The following TAX1BP1 variants were observed in gnomAD, a reference collection of about 807,000 sequenced individuals.
The protein encoded by TAX1BP1 is tax1-binding protein 1.
TAX1BP1 carries 62 observed loss-of-function variants against 97.7 expected under a neutral mutation model. The observed-to-expected ratio is 0.63, with a 90% confidence interval of 0.52 to 0.78. The LOEUF is 0.78. Ranked by LOEUF, TAX1BP1 falls within the 30% of genes least tolerant of loss-of-function variation. TAX1BP1 has a pLI of 0.00. For synonymous variants in TAX1BP1, 340 were observed against 304.2 expected, an observed-to-expected ratio of 1.12 and a Z score of -1.23; for missense variants, 867 against 916.1, an observed-to-expected ratio of 0.95 and a Z score of 0.69.
chr7:27,789,598 C>A (rs1339748211), intron 8 of TAX1BP1, among the ~76,000 whole-genome samples: 1 of 151,774 alleles, frequency 6.6e-6, no homozygotes, highest in East Asian at 1.9e-4. Flanking sequence ...TCTCACTGAA[C>A]AAAATAAGTT....
chr7:27,825,687 G>T (rs1791151141), intron 15 of TAX1BP1, among the ~76,000 whole-genome samples: 1 of 151,898 alleles, frequency 6.6e-6, no homozygotes, highest in Admixed American at 6.6e-5. Context: ...AACGAGCAGG[G>T]TTAACATGTC....
intron 5 of TAX1BP1, among the ~76,000 whole-genome samples, chr7:27,784,793 C>T (rs900014913): frequency 1.3e-5 from 2 of 151,750 alleles, no homozygotes; most frequent in Non-Finnish European, 2.9e-5. Flanking sequence ...GAGTTTCAGC[C>T]TGGGTGACAT....
intron 5 of TAX1BP1, among the ~76,000 whole-genome samples, chr7:27,784,862 A>G (rs1200938571): frequency 6.6e-6 from 1 of 152,012 alleles, no homozygotes; most frequent in Non-Finnish European, 1.5e-5. Flanking sequence ...GGGTGCCTGT[A>G]GTCCCAACTA....
Position 27,816,519 on chromosome 7 carries a change from AG to A in TAX1BP1, c.1936+1del. On this transcript the variant is annotated frameshift_variant and splice_region_variant, in exon 14 of 17. Coordinates refer to ENST00000396319, the MANE Select transcript of TAX1BP1 (RefSeq NM_006024.7). LOFTEE classifies it high-confidence loss of function. ...GNPYASQETR[D>X]GADGAFYPDE... ...ATCCTTATGCATCTCAGGAAACAAGAGGTTATTACAGTATTTTTGGTTTGGG... is the reference window on the plus strand; with the variant it reads ...ATCCTTATGCATCTCAGGAAACAAGAGTTATTACAGTATTTTTGGTTTGGG... The A allele has an allele frequency of 1.3e-6, 2 of 1,520,896 alleles. No individual in the cohort carries two copies. The highest frequency in any genetic ancestry group is 1.7e-6 in the Non-Finnish European group (2 of 1,145,260). The allele number at this position is 1,520,896 out of a possible 1,614,324, so 94.2% of individuals were successfully genotyped here.
Position 27,793,095 on chromosome 7 carries a change from A to G in TAX1BP1, c.1293A>G (p.Leu431=), listed in dbSNP as rs780173156. ...AGACTGATACACTGGAACACGAACT[A>G]AGAAGAGAAGTTGAAGATCTGAAAC... is the stretch of plus-strand genomic sequence containing the variant. ...QDKTDTLEHE[L]RREVEDLKLR... Residue 431 remains leucine (L), a synonymous_variant, in exon 10 of 17, where the codon CTA becomes CTG. Transcript: ENST00000396319. 6.2e-7 allele frequency: 1 copy of G among 1,601,326 alleles called. No homozygotes were observed. The highest frequency in any genetic ancestry group is 8.5e-7 in the Non-Finnish European group (1 of 1,177,226).
rs57820315 is a variant in TAX1BP1 at position 27,743,954 on chromosome 7, C to T, written c.-8+3685C>T. The stretch of plus-strand genomic sequence containing the variant: ...CCGAGTAGCTGGGACTACAGGCGCC[C>T]GCCACCGCGCCCGGCTAATTTTTTG... On this transcript the variant is annotated intron_variant, in intron 1 of 16. Coordinates refer to ENST00000396319, the MANE Select transcript of TAX1BP1 (RefSeq NM_006024.7). Among the ~76,000 whole-genome samples the T allele has an allele frequency of 6.2e-4, 7 of 11,222 alleles. 3 individuals carry two copies. Among genetic ancestry groups the T allele is most frequent in the African/African-American group, 1.5e-3 (1 of 674 alleles). The allele number at this position is 11,222 out of a possible 152,430, so 7.4% of individuals were successfully genotyped here. A position where few individuals can be genotyped will look rare whatever the true frequency, so the allele number is the denominator to read the frequency against.
intron 14 of TAX1BP1, 29 bp downstream of exon 14, chr7:27,816,549 A>T (rs1464819445): frequency 1.3e-6 from 2 of 1,503,552 alleles, no homozygotes; most frequent in Admixed American, 5.3e-5. Flanking sequence ...GTTTGGGATT[A>T]GCTGCATCTG....
intron 1 of TAX1BP1, among the ~76,000 whole-genome samples, chr7:27,742,242 C>A (rs1787644471): frequency 6.6e-6 from 1 of 152,148 alleles, no homozygotes; most frequent in Non-Finnish European, 1.5e-5. Context: ...TTTCCCTTCC[C>A]ACGAGGCCAT....
rs372764720 is a variant in TAX1BP1 at position 27,787,410 on chromosome 7, C to T, written c.853-8C>T. 2 of 1,595,310 alleles carry T rather than the reference C, an allele frequency of 1.3e-6. No individual in the cohort carries two copies. Among genetic ancestry groups the T allele is most frequent in the African/African-American group, 2.7e-5 (2 of 73,764 alleles). ...GAATATTCTTGACATTTTCAAACAC[C>T]ATTACAGGTACATTTGAAGAATACA... On this transcript the variant is annotated splice_polypyrimidine_tract_variant and splice_region_variant and intron_variant, in intron 7 of 16. Coordinates refer to ENST00000396319, the MANE Select transcript of TAX1BP1 (RefSeq NM_006024.7).
rs139468658 is a variant in TAX1BP1 at position 27,746,050 on chromosome 7, CAG to C, written c.-7-2466_-7-2465del. Among the ~76,000 whole-genome samples the C allele has an allele frequency of 6.1e-3, 927 of 152,076 alleles. 5 individuals carry two copies. Among genetic ancestry groups the C allele is most frequent in the African/African-American group, 0.018 (742 of 41,528 alleles). ...AAAAAACTGTTATAATTGAGGTTAA[CAG>C]AAGTTGAAACACTTTTGCCTTGTTT... On this transcript the variant is annotated intron_variant, in intron 1 of 16. Coordinates refer to ENST00000396319, the MANE Select transcript of TAX1BP1 (RefSeq NM_006024.7).
Position 27,808,704 on chromosome 7 carries a change from A to G in TAX1BP1, c.1765-7645A>G, listed in dbSNP as rs938834199. Among the ~76,000 whole-genome samples, 5 of 152,308 alleles carry G rather than the reference A, an allele frequency of 3.3e-5. No homozygotes were observed. The South Asian group carries it at 6.2e-4, about 19-fold the overall frequency. On this transcript the variant is annotated intron_variant, in intron 13 of 16. Coordinates refer to ENST00000396319, the MANE Select transcript of TAX1BP1 (RefSeq NM_006024.7). Reference sequence around the variant, plus strand: ...ATTTTGGGTACCGAAGAAAAAAAGTATTTAGGCACCCTGGCAAAGGCAACC... The same window carrying G: ...ATTTTGGGTACCGAAGAAAAAAAGTGTTTAGGCACCCTGGCAAAGGCAACC...
chr7:27,753,909 T>C (rs1347968507), intron 2 of TAX1BP1, among the ~76,000 whole-genome samples: 2 of 152,220 alleles, frequency 1.3e-5, no homozygotes, highest in Admixed American at 6.5e-5. Context: ...ATGACTACTG[T>C]AGTAATGTTA....
At chr7:27,814,792 G>A (rs1790701943) in intron 13 of TAX1BP1, among the ~76,000 whole-genome samples, 1 of 151,818 alleles carries the variant, frequency 6.6e-6, no homozygotes, top group Admixed American at 6.6e-5. Flanking sequence ...CTGGAGTGCA[G>A]TGGCGCGATC....
intron 14 of TAX1BP1, 145 bp from the exon 15 acceptor site, chr7:27,816,745 A>T (rs2128325029): frequency 9.0e-7 from 1 of 1,113,850 alleles, no homozygotes; most frequent in East Asian, 2.6e-5. Flanking sequence ...TTCACAATTT[A>T]AAAAATCACC....
At chr7:27,741,093 CACA>C (rs553019403) in intron 1 of TAX1BP1, among the ~76,000 whole-genome samples, 1 of 152,232 alleles carries the variant, frequency 6.6e-6, no homozygotes, top group Non-Finnish European at 1.5e-5. Flanking sequence ...TTTAGACATA[CACA>C]GTGTTAGATT....
intron 7 of TAX1BP1, among the ~76,000 whole-genome samples, chr7:27,785,869 A>G (rs750620662): frequency 3.3e-5 from 5 of 152,212 alleles, no homozygotes; most frequent in Non-Finnish European, 5.9e-5. Flanking sequence ...GTTAGTTTTC[A>G]GGGAATTAAT....
intron 13 of TAX1BP1, among the ~76,000 whole-genome samples, chr7:27,814,710 A>G (rs751431673): frequency 1.3e-5 from 2 of 151,552 alleles, no homozygotes; most frequent in Non-Finnish European, 2.9e-5. Context: ...TGTATACTGC[A>G]ACCTGACTAA....
intron 12 of TAX1BP1, among the ~76,000 whole-genome samples, chr7:27,797,505 G>C (rs1032693460): frequency 3.9e-5 from 6 of 151,964 alleles, no homozygotes; most frequent in African/African-American, 1.5e-4. Flanking sequence ...GCATTGGGGA[G>C]GGGAGGGGCA....
chr7:27,778,023 A>G (rs933088926), intron 5 of TAX1BP1, among the ~76,000 whole-genome samples: 1 of 152,206 alleles, frequency 6.6e-6, no homozygotes, highest in African/African-American at 2.4e-5. Flanking sequence ...AGAGGAGCCA[A>G]GATATTCTTT....
Sources: gnomAD v4.1 joint callset for allele counts (sites outside exome capture counted in the v4.1 genomes callset) on GRCh38, gnomAD v4.1.1 for gene constraint, MANE v1.5 for transcripts, NCBI Gene and HGNC (gene_info 2026-07-23, HGNC 2026-07-21) for gene names.